The following COMMD7 variants were observed in gnomAD, a reference collection of about 807,000 sequenced individuals.
The protein encoded by COMMD7 is COMM domain-containing protein 7.
Under a neutral mutation model 34.8 loss-of-function variants are expected in COMMD7, and 28 were observed. The observed-to-expected ratio is 0.80, with a 90% CI of 0.60 to 1.10. The LOEUF (loss-of-function observed/expected upper bound fraction) is 1.10, where lower values mean the gene tolerates loss of function less well. COMMD7 is among the 50% of genes least tolerant of loss of function. The probability of loss-of-function intolerance (pLI) is 0.00; values close to 1 mark genes in which losing one functional copy is unlikely to be tolerated. For synonymous variants in COMMD7, 80 were observed against 86.4 expected (o/e 0.93, Z 0.41); for missense variants, 211 against 241.6 (o/e 0.87, Z 0.84).
rs184468813 is a variant in COMMD7 at position 32,740,242 on chromosome 20, G to A, written c.84+3066C>T. On this transcript the variant is annotated intron_variant, in intron 1 of 8. Transcript: ENST00000278980. ...TGAGGCAGGAAAATGGCGTGAACCC[G>A]GGAGGCGGAGCTTGCAGTGAGCCGA... Among the ~76,000 whole-genome samples, 693 of 147,024 alleles carry A rather than the reference G, an allele frequency of 4.7e-3. 26 individuals are homozygous for A. Among genetic ancestry groups the A allele is most frequent in the African/African-American group, 0.017 (660 of 39,508 alleles).
intron 3 of COMMD7, among the ~76,000 whole-genome samples, chr20:32,726,622 G>A (rs149270233): frequency 4.6e-5 from 7 of 152,202 alleles, no homozygotes; most frequent in African/African-American, 1.4e-4. Context: ...AGAATCACTT[G>A]AACCCAGGAA....
intron 3 of COMMD7, among the ~76,000 whole-genome samples, chr20:32,720,194 T>C (rs939598372): frequency 1.3e-5 from 2 of 152,192 alleles, no homozygotes; most frequent in Non-Finnish European, 1.5e-5. Context: ...TCTGTATCTA[T>C]AGAAAATGAT....
intron 1 of COMMD7, among the ~76,000 whole-genome samples, chr20:32,736,564 G>T (rs901716471): frequency 4.6e-5 from 7 of 152,076 alleles, no homozygotes; most frequent in Admixed American, 1.3e-4. Context: ...CAGCTACTCA[G>T]GAGCCTGAGG....
chr20:32,719,606 C>T (rs1985030119), intron 3 of COMMD7, among the ~76,000 whole-genome samples: 1 of 151,960 alleles, frequency 6.6e-6, no homozygotes, highest in African/African-American at 2.4e-5. Flanking sequence ...GCCAAGATGG[C>T]ACCTTTGCAC....
chr20:32,739,378 T>C (rs774853840), intron 1 of COMMD7, among the ~76,000 whole-genome samples: 4 of 152,034 alleles, frequency 2.6e-5, no homozygotes, highest in Non-Finnish European at 4.4e-5. Context: ...GGGCGCGGTG[T>C]CTCACGCCTG....
intron 8 of COMMD7, 42 bp downstream of exon 8, chr20:32,703,981 C>T: frequency 6.2e-7 from 1 of 1,613,686 alleles, no homozygotes; most frequent in Non-Finnish European, 8.5e-7. Flanking sequence ...TTGCAGAGAA[C>T]ACAAAAAAGG....
intron 1 of COMMD7, among the ~76,000 whole-genome samples, chr20:32,734,854 G>A (rs1214922857): frequency 1.3e-5 from 2 of 152,026 alleles, no homozygotes; most frequent in East Asian, 3.9e-4. Flanking sequence ...AACCCAGGAG[G>A]CAAAGGTTGC....
At position 32,706,522 on chromosome 20, in the gene COMMD7, A is replaced by AC; in HGVS notation, c.336+60_336+61insG. ...AATGCGACTCCATCTCAAAAAAAAA[A>AC]AAAAGAAAGAAAAGCAAGGGATCTT... On this transcript the variant is annotated intron_variant, in intron 5 of 8. Coordinates refer to ENST00000278980, the MANE Select transcript of COMMD7 (RefSeq NM_053041.3). 2.1e-6 allele frequency: 3 copies of AC among 1,421,058 alleles called. No individual in the cohort carries two copies. In the South Asian group the frequency reaches 3.7e-5, roughly 17 times the overall value. 88.0% of individuals were successfully genotyped at this position (1,421,058 alleles called of 1,614,324 possible). A position where few individuals can be genotyped will look rare whatever the true frequency, so the allele number is the denominator to read the frequency against.
chr20:32,705,376 A>ATATATATATTTTTT (rs1335467096), intron 5 of COMMD7, among the ~76,000 whole-genome samples: 152 of 125,330 alleles, frequency 1.2e-3, no homozygotes, highest in African/African-American at 5.0e-3. Context: ...ATATATATAT[A>ATATATATATTTTTT]TTTTTTTTTT....
intron 3 of COMMD7, among the ~76,000 whole-genome samples, chr20:32,712,504 C>T (rs1181462783): frequency 6.8e-6 from 1 of 147,182 alleles, no homozygotes; most frequent in Non-Finnish European, 1.5e-5. Context: ...AAGATTCCGT[C>T]TCAAATTAAA....
intron 3 of COMMD7, among the ~76,000 whole-genome samples, chr20:32,727,612 A>G (rs1032811292): frequency 6.6e-6 from 1 of 151,998 alleles, no homozygotes; most frequent in African/African-American, 2.4e-5. Flanking sequence ...GCTTATTCTC[A>G]ATTTCTGTCC....
At chr20:32,725,228 A>C (rs1379891400) in intron 3 of COMMD7, among the ~76,000 whole-genome samples, 1 of 152,010 alleles carries the variant, frequency 6.6e-6, no homozygotes, top group African/African-American at 2.4e-5. Context: ...AGGTATGATG[A>C]AAAAATGTGA....
chr20:32,723,120 C>G (rs1030806133), intron 3 of COMMD7, among the ~76,000 whole-genome samples: 1 of 42,780 alleles, frequency 2.3e-5, no homozygotes, highest in East Asian at 3.4e-4. Flanking sequence ...CTCCCTCTCC[C>G]TCTCCCTCCC....
intron 1 of COMMD7, among the ~76,000 whole-genome samples, chr20:32,739,284 G>T (rs930218150): frequency 5.3e-5 from 8 of 152,144 alleles, no homozygotes; most frequent in Non-Finnish European, 1.0e-4. Context: ...ACAACATAGG[G>T]AGACCCTGTC....
intron 3 of COMMD7, among the ~76,000 whole-genome samples, chr20:32,719,587 T>G (rs942477349): frequency 1.3e-5 from 2 of 151,988 alleles, no homozygotes; most frequent in African/African-American, 4.8e-5. Context: ...GAGGCGGAGC[T>G]GGCAGTGAGC....
intron 3 of COMMD7, among the ~76,000 whole-genome samples, chr20:32,706,983 A>C (rs1171099277): frequency 6.6e-6 from 1 of 151,782 alleles, no homozygotes; most frequent in Non-Finnish European, 1.5e-5. Context: ...TAAAAAATAT[A>C]TTTATTTTTG....
chr20:32,710,736 A>C (rs973074156), intron 3 of COMMD7, among the ~76,000 whole-genome samples: 2 of 151,820 alleles, frequency 1.3e-5, no homozygotes, highest in South Asian at 2.1e-4. Context: ...CTCAAAAAAA[A>C]AAAAAAAAAA....
chr20:32,742,495 G>C (rs1424108246), intron 1 of COMMD7: 1 of 152,070 alleles, frequency 6.6e-6, no homozygotes, highest in Non-Finnish European at 1.5e-5. Flanking sequence ...CAGCCTTGGT[G>C]GTATGAAAAG....
chr20:32,704,363 C>T, intron 7 of COMMD7, 77 bp downstream of exon 7: 1 of 1,297,944 alleles, frequency 7.7e-7, no homozygotes. Flanking sequence ...ATTTAAATAT[C>T]CATTTAACCC....
Sources: allele counts gnomAD v4.1 joint callset (sites outside exome capture counted in the v4.1 genomes callset), GRCh38; gene constraint gnomAD v4.1.1; transcripts MANE v1.5; gene names NCBI Gene and HGNC (gene_info 2026-07-23, HGNC 2026-07-21).